The following MARCHF1 variants were observed in gnomAD, a reference collection of about 807,000 sequenced individuals.
The protein encoded by MARCHF1 is E3 ubiquitin-protein ligase MARCHF1.
In MARCHF1, 40 loss-of-function variants were observed where a neutral mutation model predicts 54.2. The observed-to-expected ratio is 0.74, with a 90% CI of 0.57 to 0.96. The LOEUF (loss-of-function observed/expected upper bound fraction) is 0.96, where lower values mean the gene tolerates loss of function less well. Among genes scored for constraint, MARCHF1 ranks in the 40% least tolerant of loss-of-function variants. The probability of loss-of-function intolerance (pLI) is 0.00; values close to 1 mark genes in which losing one functional copy is unlikely to be tolerated. For synonymous variants in MARCHF1, 236 were observed against 236.3 expected, an observed-to-expected ratio of 1.00 and a Z score of 0.01; for missense variants, 586 against 656.5, an observed-to-expected ratio of 0.89 and a Z score of 1.17.
chr4:164,277,575 T>C (rs962101597), intron 1 of MARCHF1, among the ~76,000 whole-genome samples: 5 of 152,362 alleles, frequency 3.3e-5, no homozygotes, highest in East Asian at 1.9e-4. Context: ...AGGATCGTCT[T>C]TCCACTTTTG....
chr4:163,634,354 C>G (rs536181425), intron 5 of MARCHF1, among the ~76,000 whole-genome samples: 1 of 150,236 alleles, frequency 6.7e-6, no homozygotes, highest in East Asian at 2.0e-4. Context: ...GGAAACCCAT[C>G]TCATGTGCAG....
At chr4:164,378,310 A>G (rs1276733128) in intron 1 of MARCHF1, among the ~76,000 whole-genome samples, 2 of 152,358 alleles carry the variant, frequency 1.3e-5, no homozygotes, top group East Asian at 3.9e-4. Context: ...AGACAAAATT[A>G]GCTATGAGGG....
intron 4 of MARCHF1, among the ~76,000 whole-genome samples, chr4:163,811,245 TTTA>T (rs2111011116): frequency 1.9e-5 from 1 of 51,586 alleles, no homozygotes; most frequent in South Asian, 9.7e-4. Flanking sequence ...TTTTAAGATT[TTTA>T]GTGGCACTAA....
chr4:164,032,463 G>T (rs1165976239), intron 2 of MARCHF1, among the ~76,000 whole-genome samples: 1 of 152,070 alleles, frequency 6.6e-6, no homozygotes, highest in Non-Finnish European at 1.5e-5. Flanking sequence ...TTTCTGATGT[G>T]GGCATTTAGT....
chr4:163,834,753 C>T (rs923383951), intron 4 of MARCHF1, among the ~76,000 whole-genome samples: 11 of 152,038 alleles, frequency 7.2e-5, no homozygotes, highest in Non-Finnish European at 1.5e-4. Context: ...ACAATGAGAA[C>T]ACATATTGGA....
intron 3 of MARCHF1, among the ~76,000 whole-genome samples, chr4:163,915,309 A>AC (rs1310007595): frequency 6.6e-6 from 1 of 152,088 alleles, no homozygotes; most frequent in Non-Finnish European, 1.5e-5. Flanking sequence ...TGATATCCCC[A>AC]CCCCAAAACC....
intron 1 of MARCHF1, among the ~76,000 whole-genome samples, chr4:164,264,586 T>C (rs1191558994): frequency 6.6e-6 from 1 of 152,064 alleles, no homozygotes; most frequent in Non-Finnish European, 1.5e-5. Flanking sequence ...ATGAGGAAAC[T>C]GAGGCATTGG....
At chr4:164,036,531 G>A (rs1754007674) in intron 2 of MARCHF1, among the ~76,000 whole-genome samples, 1 of 152,136 alleles carries the variant, frequency 6.6e-6, no homozygotes, top group Non-Finnish European at 1.5e-5. Flanking sequence ...AAAATTCAAG[G>A]TCTGAAGGAA....
At chr4:164,277,570 C>T (rs906809307) in intron 1 of MARCHF1, among the ~76,000 whole-genome samples, 2 of 152,212 alleles carry the variant, frequency 1.3e-5, no homozygotes, top group African/African-American at 2.4e-5. Context: ...TAGAAAGGAT[C>T]GTCTTTCCAC....
chr4:163,528,782 G>A lies in MARCHF1; in HGVS notation c.1604C>T (p.Ala535Val), dbSNP rs754249986. The change falls in exon 10 of 10, where the codon GCA (alanine) becomes GTA (valine). Residue 535 changes from alanine to valine, a missense_variant. By Grantham distance (64) the Ala-to-Val change is moderately conservative. Transcript: ENST00000514618. ...PQTGANSLPS[A>V]EGGPPEVVSV Reference sequence around the variant, plus strand: ...TACAACTTCAGGGGGGCCACCCTCTGCAGATGGCAGTGAATTTGCACCTGT... The same window carrying A: ...TACAACTTCAGGGGGGCCACCCTCTACAGATGGCAGTGAATTTGCACCTGT... The A allele has an allele frequency of 5.0e-6, 8 of 1,612,820 alleles. No individual in the cohort carries two copies. In the African/African-American group the frequency reaches 1.1e-4, roughly 22 times the overall value.
intron 8 of MARCHF1, among the ~76,000 whole-genome samples, chr4:163,550,699 A>G (rs1739082586): frequency 6.6e-6 from 1 of 152,214 alleles, no homozygotes; most frequent in South Asian, 2.1e-4. Context: ...TTATCACATT[A>G]TTTACATGCC....
chr4:164,256,761 A>G (rs1205805151), intron 1 of MARCHF1, among the ~76,000 whole-genome samples: 1 of 152,200 alleles, frequency 6.6e-6, no homozygotes, highest in African/African-American at 2.4e-5. Context: ...TATAAAATAA[A>G]TCAAAAGAAG....
chr4:164,095,123 G>A (rs916291258), intron 2 of MARCHF1, among the ~76,000 whole-genome samples: 3 of 152,034 alleles, frequency 2.0e-5, no homozygotes, highest in South Asian at 2.1e-4. Flanking sequence ...GTTGTTAGAC[G>A]GGAGAAAACA....
In MARCHF1 at chr4:164,272,336, T is replaced by C. The variant is rs1459575861; in HGVS notation, c.-323+111534A>G. ...AATACAAAACGATTACAACATTGTT[T>C]GTTATATCAAAAAATAAAAGACACC... On this transcript the variant is annotated intron_variant, in intron 1 of 9. Transcript: ENST00000514618. Among the ~76,000 whole-genome samples the C allele has an allele frequency of 1.3e-5, 2 of 152,110 alleles. 1 individual carries two copies. The highest frequency in any genetic ancestry group is 3.9e-4 in the East Asian group (2 of 5,192).
intron 3 of MARCHF1, among the ~76,000 whole-genome samples, chr4:163,884,987 A>G (rs1242807638): frequency 6.6e-6 from 1 of 152,218 alleles, no homozygotes; most frequent in Non-Finnish European, 1.5e-5. Context: ...GTGACATTTT[A>G]GGATAAATTG....
chr4:163,893,636 AATAG>A (rs1750712546), intron 3 of MARCHF1, among the ~76,000 whole-genome samples: 2 of 152,208 alleles, frequency 1.3e-5, no homozygotes, highest in African/African-American at 4.8e-5. Flanking sequence ...CCCATTTTTG[AATAG>A]ATAATTACTA....
intron 7 of MARCHF1, among the ~76,000 whole-genome samples, chr4:163,602,393 A>G (rs1017702507): frequency 1.3e-5 from 2 of 152,002 alleles, no homozygotes; most frequent in African/African-American, 4.8e-5. Context: ...AGCACATATC[A>G]TTTTTCTCAT....
chr4:164,109,752 A>G (rs1234853149), intron 2 of MARCHF1, among the ~76,000 whole-genome samples: 1 of 151,546 alleles, frequency 6.6e-6, no homozygotes, highest in African/African-American at 2.4e-5. Context: ...TAACTCCTAC[A>G]TGATACCCAA....
intron 1 of MARCHF1, among the ~76,000 whole-genome samples, chr4:164,334,192 T>C (rs1043095853): frequency 1.3e-5 from 2 of 152,180 alleles, no homozygotes; most frequent in African/African-American, 4.8e-5. Flanking sequence ...TGAAGGTAGC[T>C]GCACTAAACA....
Sources: allele counts gnomAD v4.1 joint callset (sites outside exome capture counted in the v4.1 genomes callset), GRCh38; gene constraint gnomAD v4.1.1; transcripts MANE v1.5; gene names NCBI Gene and HGNC (gene_info 2026-07-23, HGNC 2026-07-21).